PACRG: variants seen among roughly 807,000 people sequenced by gnomAD.
The protein encoded by PACRG is parkin coregulated, also known as parkin coregulated gene protein.
Under a neutral mutation model 29.7 loss-of-function variants are expected in PACRG, and 29 were observed. That is an observed-to-expected ratio of 0.98 (90% CI 0.73 to 1.33). The LOEUF (loss-of-function observed/expected upper bound fraction) is 1.33, where lower values mean the gene tolerates loss of function less well. Ranked by LOEUF, PACRG falls within the 40% of genes most tolerant of loss-of-function variation. The pLI is 0.00. For missense variants in PACRG, 279 were observed against 316.2 expected (o/e 0.88, Z 0.89); for synonymous variants, 116 against 118.7 (o/e 0.98, Z 0.15).
intron 4 of PACRG, among the ~76,000 whole-genome samples, chr6:163,096,902 C>A (rs1324139631): frequency 6.6e-6 from 1 of 152,120 alleles, no homozygotes; most frequent in Non-Finnish European, 1.5e-5. Flanking sequence ...GAATCAATAC[C>A]TTTCCCATAT....
chr6:163,278,518 A>G (rs1178603715), intron 4 of PACRG, among the ~76,000 whole-genome samples: 1 of 152,136 alleles, frequency 6.6e-6, no homozygotes, highest in African/African-American at 2.4e-5. Flanking sequence ...GTATAAGGTA[A>G]GAGATGAGGA....
intron 4 of PACRG, among the ~76,000 whole-genome samples, chr6:163,094,897 G>T (rs563134836): frequency 2.0e-5 from 3 of 152,110 alleles, no homozygotes; most frequent in Non-Finnish European, 4.4e-5. Context: ...GCAAGCCCTC[G>T]GGAAATTATA....
chr6:163,080,342 G>A (rs531542526), intron 3 of PACRG, among the ~76,000 whole-genome samples: 2 of 152,110 alleles, frequency 1.3e-5, no homozygotes, highest in Admixed American at 6.5e-5. Context: ...TAGGTACAGA[G>A]GAGCAAGGAG....
chr6:162,844,586 G>A (rs936550353), intron 2 of PACRG, among the ~76,000 whole-genome samples: 2 of 152,228 alleles, frequency 1.3e-5, no homozygotes, highest in Non-Finnish European at 2.9e-5. Context: ...GCTGTAGACC[G>A]GAGCTGTTCC....
chr6:162,884,127 A>G (rs1055469739), intron 2 of PACRG, among the ~76,000 whole-genome samples: 1 of 152,046 alleles, frequency 6.6e-6, no homozygotes, highest in Admixed American at 6.5e-5. Flanking sequence ...TTTTGTAGAG[A>G]TGGTGTTTCA....
intron 4 of PACRG, among the ~76,000 whole-genome samples, chr6:163,169,129 C>CT (rs1334039188): frequency 6.6e-6 from 1 of 152,192 alleles, no homozygotes; most frequent in African/African-American, 2.4e-5. Flanking sequence ...TCATGAAAAG[C>CT]TCAAGATGAG....
At chr6:162,963,478 A>G (rs1800793382) in intron 2 of PACRG, among the ~76,000 whole-genome samples, 1 of 151,860 alleles carries the variant, frequency 6.6e-6, no homozygotes, top group Non-Finnish European at 1.5e-5. Context: ...CCCAGAATTA[A>G]CATTTTAATA....
intron 2 of PACRG, among the ~76,000 whole-genome samples, chr6:162,883,587 T>C (rs1168355578): frequency 1.3e-5 from 2 of 152,176 alleles, no homozygotes; most frequent in Non-Finnish European, 2.9e-5. Context: ...GTTTTTAAAA[T>C]ATTTTCCAGT....
chr6:163,062,017 G>A, intron 2 of PACRG, 133 bp from the exon 3 acceptor site: 1 of 801,484 alleles, frequency 1.2e-6, no homozygotes, highest in South Asian at 1.8e-5. Context: ...TCATTAGGGG[G>A]ATGGGTTAAG....
intron 2 of PACRG, among the ~76,000 whole-genome samples, chr6:162,834,553 A>G (rs1789053069): frequency 6.6e-6 from 1 of 151,916 alleles, no homozygotes. Context: ...TTTACCTGCA[A>G]AGACCCTGAT....
At chr6:163,285,574 G>A (rs1466221131) in intron 4 of PACRG, among the ~76,000 whole-genome samples, 1 of 152,152 alleles carries the variant, frequency 6.6e-6, no homozygotes, top group African/African-American at 2.4e-5. Flanking sequence ...GAAGCCAAAG[G>A]GCCCCGGAGA....
chr6:162,872,377 G>A (rs184433145), intron 2 of PACRG, among the ~76,000 whole-genome samples: 20 of 152,248 alleles, frequency 1.3e-4, no homozygotes, highest in Admixed American at 5.2e-4. Context: ...CTTATCTCTA[G>A]CAGTTGAGTA....
chr6:162,969,917 C>A (rs1216323723), intron 2 of PACRG, among the ~76,000 whole-genome samples: 1 of 152,178 alleles, frequency 6.6e-6, no homozygotes, highest in Non-Finnish European at 1.5e-5. Context: ...ATGTTTGTTG[C>A]ATGTGAGCTC....
chr6:162,914,600 CAA>C (rs79981470), intron 2 of PACRG, among the ~76,000 whole-genome samples: 6 of 125,836 alleles, frequency 4.8e-5, no homozygotes, highest in African/African-American at 1.2e-4. Context: ...CCATTTTTAC[CAA>C]AAAAAAAAAA....
chr6:163,279,824 AAG>A (rs1439111868), intron 4 of PACRG, among the ~76,000 whole-genome samples: 1 of 152,232 alleles, frequency 6.6e-6, no homozygotes, highest in African/African-American at 2.4e-5. Context: ...AGCTAATTGA[AAG>A]AGCTTGCTTG....
intron 2 of PACRG, among the ~76,000 whole-genome samples, chr6:162,875,140 C>T (rs781140018): frequency 3.4e-5 from 5 of 149,104 alleles, no homozygotes; most frequent in East Asian, 1.9e-4. Context: ...CACATTCACA[C>T]GCAGACATTC....
At chr6:162,963,104 G>C (rs1056190670) in intron 2 of PACRG, among the ~76,000 whole-genome samples, 3 of 152,096 alleles carry the variant, frequency 2.0e-5, no homozygotes, top group Non-Finnish European at 4.4e-5. Flanking sequence ...TAAAAACTTA[G>C]TTATGAAAAG....
chr6:162,798,044 C>T (rs1273520003), intron 1 of PACRG, among the ~76,000 whole-genome samples: 1 of 152,132 alleles, frequency 6.6e-6, no homozygotes, highest in East Asian at 1.9e-4. Flanking sequence ...TTTTGCTGCT[C>T]TTTTAAATAT....
At chr6:162,887,423 A>G (rs767636311) in intron 2 of PACRG, among the ~76,000 whole-genome samples, 5 of 152,174 alleles carry the variant, frequency 3.3e-5, no homozygotes, top group African/African-American at 9.7e-5. Context: ...TTTTAGTGAA[A>G]AAATTAATAG....
Sources: gnomAD v4.1 joint callset for allele counts (sites outside exome capture counted in the v4.1 genomes callset) on GRCh38, gnomAD v4.1.1 for gene constraint, MANE v1.5 for transcripts, NCBI Gene and HGNC (gene_info 2026-07-23, HGNC 2026-07-21) for gene names.